ITGBL1: variants seen among roughly 807,000 people sequenced by gnomAD.
The protein encoded by ITGBL1 is integrin subunit beta like 1.
Under a neutral mutation model 68.5 loss-of-function variants are expected in ITGBL1, and 51 were observed. That is an observed-to-expected ratio of 0.74 (90% CI 0.59 to 0.94). The LOEUF is 0.94. Among genes scored for constraint, ITGBL1 ranks in the 40% least tolerant of loss-of-function variants. ITGBL1 has a pLI of 0.00. For missense variants in ITGBL1, 649 were observed against 647.4 expected (o/e 1.00, Z -0.03); for synonymous variants, 209 against 227.3 (o/e 0.92, Z 0.72).
At chr13:101,559,135 T>C (rs1428145322) in intron 2 of ITGBL1, among the ~76,000 whole-genome samples, 1 of 152,242 alleles carries the variant, frequency 6.6e-6, no homozygotes, top group African/African-American at 2.4e-5. Flanking sequence ...AATACTTTAA[T>C]GGATACTCTG....
At chr13:101,530,825 G>T (rs761416761) in intron 2 of ITGBL1, among the ~76,000 whole-genome samples, 1 of 152,006 alleles carries the variant, frequency 6.6e-6, no homozygotes, top group Non-Finnish European at 1.5e-5. Context: ...GGGATATGTC[G>T]CATGTAAGCA....
At chr13:101,643,447 G>T (rs1594950098) in intron 7 of ITGBL1, among the ~76,000 whole-genome samples, 1 of 152,002 alleles carries the variant, frequency 6.6e-6, no homozygotes, top group East Asian at 1.9e-4. Context: ...TTGCCTATCA[G>T]CTTAAGGAGA....
intron 7 of ITGBL1, among the ~76,000 whole-genome samples, chr13:101,660,936 G>A (rs2033068987): frequency 6.6e-6 from 1 of 152,164 alleles, no homozygotes. Context: ...TTGTTACCAA[G>A]GGGTGAATCA....
chr13:101,635,000 A>G (rs2032118525), intron 7 of ITGBL1, among the ~76,000 whole-genome samples: 1 of 149,584 alleles, frequency 6.7e-6, no homozygotes, highest in African/African-American at 2.5e-5. Flanking sequence ...AATTATGCTC[A>G]ATTTCAATTC....
intron 7 of ITGBL1, among the ~76,000 whole-genome samples, chr13:101,681,031 G>A (rs1208777927): frequency 6.6e-6 from 1 of 152,122 alleles, no homozygotes; most frequent in African/African-American, 2.4e-5. Flanking sequence ...TAGTAAAAGT[G>A]TTAAAACATC....
chr13:101,504,922 C>G (rs963149045), intron 2 of ITGBL1, among the ~76,000 whole-genome samples: 2 of 152,126 alleles, frequency 1.3e-5, no homozygotes, highest in African/African-American at 4.8e-5. Context: ...ATCACACAGC[C>G]TTTTTGTACA....
chr13:101,516,285 A>AC (rs1566711112), intron 2 of ITGBL1, among the ~76,000 whole-genome samples: 1 of 152,096 alleles, frequency 6.6e-6, no homozygotes, highest in African/African-American at 2.4e-5. Flanking sequence ...TTTTCATGAG[A>AC]CAATTGTGAT....
chr13:101,655,616 T>C (rs951357234), intron 7 of ITGBL1, among the ~76,000 whole-genome samples: 3 of 152,210 alleles, frequency 2.0e-5, no homozygotes, highest in African/African-American at 7.2e-5. Flanking sequence ...CCCCTTTCTA[T>C]GAAGCTAATG....
intron 3 of ITGBL1, among the ~76,000 whole-genome samples, chr13:101,571,318 C>CA (rs1157010233): frequency 6.6e-6 from 1 of 152,144 alleles, no homozygotes; most frequent in Non-Finnish European, 1.5e-5. Context: ...CACTTCCCCC[C>CA]ACTCACTGTA....
chr13:101,512,746 CTA>C (rs2049135452), intron 2 of ITGBL1, among the ~76,000 whole-genome samples: 1 of 152,152 alleles, frequency 6.6e-6, no homozygotes, highest in Non-Finnish European at 1.5e-5. Flanking sequence ...GGATTCTTAT[CTA>C]TAATTACCTT....
chr13:101,681,299 G>A (rs1470953728), intron 7 of ITGBL1, among the ~76,000 whole-genome samples: 5 of 152,140 alleles, frequency 3.3e-5, no homozygotes, highest in Admixed American at 1.3e-4. Flanking sequence ...GTGTGCATAT[G>A]TGTGTGCGTG....
At chr13:101,605,146 A>G (rs1223831915) in intron 7 of ITGBL1, among the ~76,000 whole-genome samples, 2 of 142,032 alleles carry the variant, frequency 1.4e-5, no homozygotes, top group Admixed American at 7.1e-5. Context: ...GTGTATATAT[A>G]CATATGTGTG....
chr13:101,706,607 A>G lies in ITGBL1; in HGVS notation c.1133-149A>G, dbSNP rs2034268391. 3 of 726,672 alleles carry G rather than the reference A, an allele frequency of 4.1e-6. No individual in the cohort carries two copies. In the East Asian group the frequency reaches 8.4e-5, roughly 20 times the overall value. The allele number at this position is 726,672 out of a possible 1,614,324, so 45.0% of individuals were successfully genotyped here. ...AGAACTCTGTTGTAAGTTCTTTCAA[A>G]CAATTACATGCCAAATTGACTATGC... On this transcript the variant is annotated intron_variant, in intron 8 of 10. Transcript: ENST00000376180.
At chr13:101,604,363 CTTTAT>C (rs1266490543) in intron 7 of ITGBL1, among the ~76,000 whole-genome samples, 3 of 151,808 alleles carry the variant, frequency 2.0e-5, no homozygotes, top group Non-Finnish European at 4.4e-5. Context: ...TATGTTTAAA[CTTTAT>C]TTTATTAAAA....
intron 2 of ITGBL1, among the ~76,000 whole-genome samples, chr13:101,547,954 T>TAC (rs568188303): frequency 2.0e-5 from 3 of 151,130 alleles, no homozygotes; most frequent in African/African-American, 2.4e-5. Flanking sequence ...TATATACACA[T>TAC]ACACACACAC....
chr13:101,463,905 CTTTTTTTTT>C (rs200070869), intron 2 of ITGBL1, among the ~76,000 whole-genome samples: 1 of 127,464 alleles, frequency 7.8e-6, no homozygotes, highest in African/African-American at 2.9e-5. Context: ...CATTCTAGTT[CTTTTTTTTT>C]TTTTTTTTTT....
In ITGBL1 at chr13:101,715,585, A is replaced by G; in HGVS notation, c.1416A>G (p.Gly472=). 6.2e-7 allele frequency: 1 copy of G among 1,613,068 alleles called. No homozygotes were observed. The highest frequency in any genetic ancestry group is 8.5e-7 in the Non-Finnish European group (1 of 1,179,084). The change falls in exon 11 of 11, where the codon GGA becomes GGG. Residue 472 remains glycine, a synonymous_variant. Transcript: ENST00000376180. Reference sequence around the variant, plus strand: ...CAGGGAATGGAATATGTAGCTGTGGAAACTGTGAATGCTGGGATGGATGGA... The same window carrying G: ...CAGGGAATGGAATATGTAGCTGTGGGAACTGTGAATGCTGGGATGGATGGA... ...ICTGNGICSC[G]NCECWDGWNG... is the part of the protein sequence containing the mutation.
chr13:101,531,603 A>G (rs1211194078), intron 2 of ITGBL1, among the ~76,000 whole-genome samples: 1 of 107,064 alleles, frequency 9.3e-6, no homozygotes, highest in Admixed American at 1.0e-4. Flanking sequence ...TTCATAGCGT[A>G]TTTTTTGGGG....
At chr13:101,606,548 T>A (rs991843195) in intron 7 of ITGBL1, among the ~76,000 whole-genome samples, 1 of 151,880 alleles carries the variant, frequency 6.6e-6, no homozygotes, top group Non-Finnish European at 1.5e-5. Flanking sequence ...TCTTCCTGAT[T>A]AAAGAATACA....
Sources: allele counts gnomAD v4.1 joint callset (sites outside exome capture counted in the v4.1 genomes callset), GRCh38; gene constraint gnomAD v4.1.1; transcripts MANE v1.5; gene names NCBI Gene and HGNC (gene_info 2026-07-23, HGNC 2026-07-21).